NPAS3: variants seen among roughly 807,000 people sequenced by gnomAD.
NPAS3 encodes the protein neuronal PAS domain protein 3.
In NPAS3, 14 loss-of-function variants were observed where a neutral mutation model predicts 73.1. The ratio of observed to expected loss-of-function variants is 0.19; its 90% CI spans 0.13 to 0.30. NPAS3 has a LOEUF of 0.30. Ranked by LOEUF, NPAS3 falls within the 10% of genes least tolerant of loss-of-function variation. The probability of loss-of-function intolerance (pLI) is 1.00; values close to 1 mark genes in which losing one functional copy is unlikely to be tolerated. For missense variants in NPAS3, 1,096 were observed against 1,250.0 expected, an observed-to-expected ratio of 0.88 and a Z score of 1.86; for synonymous variants, 620 against 541.5, an observed-to-expected ratio of 1.14 and a Z score of -2.01.
chr14:33,366,233 A>G (rs2045834685), intron 3 of NPAS3, among the ~76,000 whole-genome samples: 1 of 152,104 alleles, frequency 6.6e-6, no homozygotes, highest in Non-Finnish European at 1.5e-5. Context: ...TGATCTGTGA[A>G]TAGTTCATTG....
At chr14:33,364,064 C>A (rs889876527) in intron 3 of NPAS3, among the ~76,000 whole-genome samples, 7 of 151,956 alleles carry the variant, frequency 4.6e-5, no homozygotes, top group Non-Finnish European at 7.4e-5. Context: ...AAACTGTGAC[C>A]CGTTCGGCAA....
chr14:33,419,716 G>A (rs762818966), intron 4 of NPAS3, among the ~76,000 whole-genome samples: 9 of 151,840 alleles, frequency 5.9e-5, no homozygotes, highest in Non-Finnish European at 1.3e-4. Context: ...ATCTGATAAG[G>A]AGCTAAGTAT....
chr14:33,334,816 T>G (rs1428975909), intron 3 of NPAS3, among the ~76,000 whole-genome samples: 1 of 152,216 alleles, frequency 6.6e-6, no homozygotes, highest in Non-Finnish European at 1.5e-5. Context: ...TGTAGTATTT[T>G]ATCCCTCGCC....
intron 6 of NPAS3, among the ~76,000 whole-genome samples, chr14:33,715,492 G>A (rs953660366): frequency 3.3e-5 from 5 of 152,082 alleles, no homozygotes. Flanking sequence ...TCTGTTCCTG[G>A]GGAACAGGAT....
intron 5 of NPAS3, among the ~76,000 whole-genome samples, chr14:33,568,165 G>A (rs1226824434): frequency 6.6e-6 from 1 of 152,112 alleles, no homozygotes; most frequent in African/African-American, 2.4e-5. Context: ...TTATTTGTGT[G>A]GATTAAACAG....
intron 2 of NPAS3, among the ~76,000 whole-genome samples, chr14:33,064,718 G>T (rs1276815398): frequency 1.3e-5 from 2 of 152,152 alleles, no homozygotes; most frequent in African/African-American, 4.8e-5. Context: ...TAAGCATAAA[G>T]AAAGAACATC....
chr14:33,713,254 A>C (rs1210519998), intron 6 of NPAS3, among the ~76,000 whole-genome samples: 7 of 152,244 alleles, frequency 4.6e-5, no homozygotes, highest in Admixed American at 2.0e-4. Context: ...TCAATGGTCC[A>C]ACGTGATTAC....
chr14:33,659,624 T>A (rs1467843897), intron 5 of NPAS3, among the ~76,000 whole-genome samples: 1 of 152,162 alleles, frequency 6.6e-6, no homozygotes. Flanking sequence ...TAATAATAAT[T>A]GTATACAGTC....
intron 2 of NPAS3, among the ~76,000 whole-genome samples, chr14:33,085,365 T>A (rs2041989424): frequency 6.6e-6 from 1 of 152,218 alleles, no homozygotes; most frequent in Non-Finnish European, 1.5e-5. Context: ...GAAAATGGCG[T>A]AATTATTTAT....
At chr14:33,295,890 CTCTT>C in intron 3 of NPAS3, among the ~76,000 whole-genome samples, 1 of 152,282 alleles carries the variant, frequency 6.6e-6, no homozygotes, top group African/African-American at 2.4e-5. Context: ...GAAGACCTGT[CTCTT>C]TCAGCAAGTT....
intron 2 of NPAS3, among the ~76,000 whole-genome samples, chr14:33,205,081 CA>C (rs894046097): frequency 6.6e-6 from 1 of 152,034 alleles, no homozygotes; most frequent in African/African-American, 2.4e-5. Flanking sequence ...ACCCTATATG[CA>C]AAAGAAATGG....
At chr14:33,689,911 G>C (rs556723364) in intron 6 of NPAS3, among the ~76,000 whole-genome samples, 1 of 152,242 alleles carries the variant, frequency 6.6e-6, no homozygotes, top group Admixed American at 6.5e-5. Context: ...CTTTAGAATA[G>C]ACCTTGATGT....
intron 1 of NPAS3, among the ~76,000 whole-genome samples, chr14:33,023,667 A>G (rs2039687105): frequency 6.6e-6 from 1 of 152,200 alleles, no homozygotes; most frequent in Non-Finnish European, 1.5e-5. Context: ...ATCCTTTAGT[A>G]GTTTTGAGGT....
At chr14:33,171,512 C>G (rs536031275) in intron 2 of NPAS3, among the ~76,000 whole-genome samples, 1 of 152,206 alleles carries the variant, frequency 6.6e-6, no homozygotes, top group Non-Finnish European at 1.5e-5. Context: ...ATAAACCAAC[C>G]TCTGCTAGCT....
At chr14:33,573,200 T>C (rs78927789) in intron 5 of NPAS3, among the ~76,000 whole-genome samples, 83 of 151,950 alleles carry the variant, frequency 5.5e-4, no homozygotes, top group Middle Eastern at 3.4e-3. Context: ...CAAACCCAGG[T>C]TTCCCATGAC....
intron 1 of NPAS3, among the ~76,000 whole-genome samples, chr14:32,941,136 A>C (rs2035975303): frequency 6.6e-6 from 1 of 152,060 alleles, no homozygotes; most frequent in Non-Finnish European, 1.5e-5. Flanking sequence ...ATTATTTTTT[A>C]TCTAACATGA....
intron 4 of NPAS3, among the ~76,000 whole-genome samples, chr14:33,386,757 A>G (rs542817328): frequency 6.6e-6 from 1 of 152,316 alleles, no homozygotes; most frequent in African/African-American, 2.4e-5. Flanking sequence ...AGCTTTAAAC[A>G]TTGTTACGGA....
chr14:33,258,753 C>G (rs371512646), intron 3 of NPAS3, among the ~76,000 whole-genome samples: 4 of 152,150 alleles, frequency 2.6e-5, no homozygotes, highest in Non-Finnish European at 4.4e-5. Context: ...TATAAATCTT[C>G]CAACTAAGTC....
At chr14:33,756,781 A>T (rs952177428) in intron 7 of NPAS3, among the ~76,000 whole-genome samples, 3 of 152,222 alleles carry the variant, frequency 2.0e-5, no homozygotes, top group African/African-American at 7.2e-5. Context: ...GAAATAAAGG[A>T]TGCATTCTGT....
Sources: gnomAD v4.1 joint callset for allele counts (sites outside exome capture counted in the v4.1 genomes callset) on GRCh38, gnomAD v4.1.1 for gene constraint, MANE v1.5 for transcripts, NCBI Gene and HGNC (gene_info 2026-07-23, HGNC 2026-07-21) for gene names.